The following GALNTL6 variants were observed in gnomAD, a reference collection of about 807,000 sequenced individuals.
GALNTL6 encodes polypeptide N-acetylgalactosaminyltransferase-like 6.
Under a neutral mutation model 73.7 loss-of-function variants are expected in GALNTL6, and 46 were observed. The ratio of observed to expected loss-of-function variants is 0.62; its 90% CI spans 0.49 to 0.80. The LOEUF (loss-of-function observed/expected upper bound fraction) is 0.80, where lower values mean the gene tolerates loss of function less well. Among genes scored for constraint, GALNTL6 ranks in the 30% least tolerant of loss-of-function variants. The pLI is 0.00. For missense variants in GALNTL6, 604 were observed against 755.0 expected (o/e 0.80, Z 2.34); for synonymous variants, 259 against 263.7 (o/e 0.98, Z 0.17).
chr4:172,995,187 T>C (rs180728479), intron 10 of GALNTL6, among the ~76,000 whole-genome samples: 1 of 152,272 alleles, frequency 6.6e-6, no homozygotes, highest in East Asian at 1.9e-4. Context: ...ATTCATAAAA[T>C]AGCACTCTAG....
chr4:171,868,316 T>G (rs540572628), intron 2 of GALNTL6, among the ~76,000 whole-genome samples: 7 of 152,310 alleles, frequency 4.6e-5, no homozygotes, highest in African/African-American at 1.4e-4. Context: ...TTTCCCATTT[T>G]AAGCTTTCTT....
chr4:172,968,340 T>C (rs1056845282), intron 10 of GALNTL6, among the ~76,000 whole-genome samples: 2 of 152,104 alleles, frequency 1.3e-5, no homozygotes, highest in Non-Finnish European at 2.9e-5. Flanking sequence ...ATCTGCACCT[T>C]ACCAGTGGAA....
At chr4:171,827,691 T>C (rs1734860596) in intron 2 of GALNTL6, among the ~76,000 whole-genome samples, 2 of 152,178 alleles carry the variant, frequency 1.3e-5, no homozygotes, top group African/African-American at 4.8e-5. Context: ...CTGTATCTTA[T>C]CTTATCTTAT....
chr4:172,252,311 G>A (rs1328230687), intron 3 of GALNTL6, among the ~76,000 whole-genome samples: 2 of 152,016 alleles, frequency 1.3e-5, no homozygotes, highest in Non-Finnish European at 2.9e-5. Flanking sequence ...ATGTGTAAAG[G>A]AAAGATAATC....
chr4:172,528,948 A>C (rs2110839569), intron 5 of GALNTL6, among the ~76,000 whole-genome samples: 1 of 6,320 alleles, frequency 1.6e-4, no homozygotes, highest in South Asian at 0.012. Flanking sequence ...TGTTTTCCCA[A>C]AGGCATATAT....
At chr4:172,792,337 A>G (rs951748870) in intron 5 of GALNTL6, among the ~76,000 whole-genome samples, 1 of 45,616 alleles carries the variant, frequency 2.2e-5, no homozygotes, top group African/African-American at 7.0e-5. Flanking sequence ...ATATATGTAT[A>G]TATATACACG....
At chr4:172,886,429 T>C (rs1257394886) in intron 8 of GALNTL6, among the ~76,000 whole-genome samples, 1 of 152,224 alleles carries the variant, frequency 6.6e-6, no homozygotes, top group Non-Finnish European at 1.5e-5. Context: ...TCTTCTCTCT[T>C]CCATTCTTAG....
rs1753847584 is a variant in GALNTL6, at chr4:173,040,158, C to G, written c.*58C>G. On this transcript the variant is annotated 3_prime_UTR_variant, in exon 13 of 13. Coordinates refer to ENST00000506823, the MANE Select transcript of GALNTL6 (RefSeq NM_001034845.3). ...AGGTTATAAATTAAATTTTAGCCAG[C>G]ATCTGGGTCGAAGGAGTCAGGAATA... 7.4e-7 allele frequency: 1 copy of G among 1,346,488 alleles called. No homozygotes were observed. The highest frequency in any genetic ancestry group is 1.3e-5 in the South Asian group (1 of 74,316). 83.4% of individuals were successfully genotyped at this position (1,346,488 alleles called of 1,614,324 possible). A position where few individuals can be genotyped will look rare whatever the true frequency, so the allele number is the denominator to read the frequency against.
chr4:172,856,730 C>A (rs1744142204), intron 7 of GALNTL6, among the ~76,000 whole-genome samples: 1 of 152,166 alleles, frequency 6.6e-6, no homozygotes, highest in African/African-American at 2.4e-5. Context: ...CAGCTTTCAG[C>A]TTTTTTATTC....
At chr4:172,555,992 T>G (rs1286243649) in intron 5 of GALNTL6, among the ~76,000 whole-genome samples, 1 of 152,068 alleles carries the variant, frequency 6.6e-6, no homozygotes, top group Admixed American at 6.6e-5. Flanking sequence ...GTGTCTAGAT[T>G]GCTTTGTTTT....
chr4:172,430,069 A>G (rs1311517194), intron 5 of GALNTL6, among the ~76,000 whole-genome samples: 1 of 151,714 alleles, frequency 6.6e-6, no homozygotes, highest in Non-Finnish European at 1.5e-5. Context: ...CAAAATATAT[A>G]TGTGTGTGTA....
chr4:172,537,111 C>T (rs1419527208), intron 5 of GALNTL6, among the ~76,000 whole-genome samples: 1 of 152,128 alleles, frequency 6.6e-6, no homozygotes, highest in Non-Finnish European at 1.5e-5. Flanking sequence ...AGGGACTTGC[C>T]TCATCTCAAA....
intron 5 of GALNTL6, among the ~76,000 whole-genome samples, chr4:172,638,163 A>G (rs1419294404): frequency 6.6e-6 from 1 of 152,090 alleles, no homozygotes; most frequent in Admixed American, 6.6e-5. Context: ...ATCACATCAC[A>G]AAAAGTAAAC....
intron 12 of GALNTL6, among the ~76,000 whole-genome samples, chr4:173,030,046 C>A: frequency 6.6e-6 from 1 of 152,178 alleles, no homozygotes; most frequent in East Asian, 1.9e-4. Context: ...GACCACCGTT[C>A]TCCAGCTTGC....
intron 5 of GALNTL6, among the ~76,000 whole-genome samples, chr4:172,425,823 T>C (rs1251728283): frequency 1.3e-5 from 2 of 152,060 alleles, no homozygotes; most frequent in Non-Finnish European, 2.9e-5. Flanking sequence ...TACTGAGAAA[T>C]AATTCTAGTA....
chr4:172,921,492 A>G (rs1265121099), intron 8 of GALNTL6, among the ~76,000 whole-genome samples: 1 of 152,186 alleles, frequency 6.6e-6, no homozygotes, highest in Non-Finnish European at 1.5e-5. Context: ...GAACTGCATT[A>G]TGACAAAAGA....
At chr4:172,310,346 T>C (rs1552249) in intron 3 of GALNTL6, among the ~76,000 whole-genome samples, 122,499 of 151,902 alleles carry the variant, frequency 0.81, 49,972 homozygotes, top group Non-Finnish European at 0.87. Context: ...TCTTGGCTTA[T>C]TGCAACCTCT....
chr4:172,203,104 TTG>T (rs1736006914), intron 2 of GALNTL6, among the ~76,000 whole-genome samples: 1 of 152,210 alleles, frequency 6.6e-6, no homozygotes, highest in Non-Finnish European at 1.5e-5. Flanking sequence ...TAGGCAGTGT[TTG>T]TGTTGAGATT....
chr4:171,814,403 G>T lies in GALNTL6; in HGVS notation c.-169-9G>T, dbSNP rs769671760. 4.8e-6 allele frequency: 3 copies of T among 623,906 alleles called. No homozygotes were observed. The highest frequency in any genetic ancestry group is 8.4e-6 in the Non-Finnish European group (3 of 357,522). 38.6% of individuals were successfully genotyped at this position (623,906 alleles called of 1,614,324 possible). A position where few individuals can be genotyped will look rare whatever the true frequency, so the allele number is the denominator to read the frequency against. ...CTGGGGGGAAAGTAACTGTGCGTTT[G>T]TTCTGCAGATGGCCAACTCCCTCTG... On this transcript the variant is annotated splice_polypyrimidine_tract_variant and intron_variant, in intron 1 of 12. Transcript: ENST00000506823.
Sources: gnomAD v4.1 joint callset for allele counts (sites outside exome capture counted in the v4.1 genomes callset) on GRCh38, gnomAD v4.1.1 for gene constraint, MANE v1.5 for transcripts, NCBI Gene and HGNC (gene_info 2026-07-23, HGNC 2026-07-21) for gene names.